TENM3: variants seen among roughly 807,000 people sequenced by gnomAD.
TENM3 encodes the protein teneurin-3.
Under a neutral mutation model 255.1 loss-of-function variants are expected in TENM3, and 63 were observed. The ratio of observed to expected loss-of-function variants is 0.25; its 90% CI spans 0.20 to 0.30. The LOEUF (loss-of-function observed/expected upper bound fraction) is 0.30. Among genes scored for constraint, TENM3 ranks in the 10% least tolerant of loss-of-function variants. The pLI is 1.00. For missense variants in TENM3, 2,929 were observed against 3,461.1 expected (o/e 0.85, Z 3.86); for synonymous variants, 1,306 against 1,322.3 (o/e 0.99, Z 0.27).
At chr4:182,498,252 G>T (rs543031874) in intron 3 of TENM3, among the ~76,000 whole-genome samples, 8 of 152,204 alleles carry the variant, frequency 5.3e-5, no homozygotes, top group African/African-American at 1.9e-4. Context: ...TTAACACCTA[G>T]TGAAACACCC....
At chr4:182,631,633 T>TA (rs1359168815) in intron 5 of TENM3, 1 of 152,222 alleles carries the variant, frequency 6.6e-6, no homozygotes, top group Non-Finnish European at 1.5e-5. Flanking sequence ...ATCAGTCTGA[T>TA]AAACCCCAGT....
the TENM3 span, among the ~76,000 whole-genome samples, chr4:181,815,349 C>A: frequency 6.7e-6 from 1 of 149,780 alleles, no homozygotes; most frequent in East Asian, 2.0e-4. Flanking sequence ...GTAATCCCAG[C>A]TACTTGGGAG....
the TENM3 span, among the ~76,000 whole-genome samples, chr4:181,875,421 AT>A: frequency 3.4e-4 from 50 of 147,874 alleles, no homozygotes; most frequent in East Asian, 2.0e-3. Flanking sequence ...TTAGGAACCT[AT>A]TTTTTTTTTT....
chr4:181,817,231 G>A, the TENM3 span, among the ~76,000 whole-genome samples: 2 of 152,230 alleles, frequency 1.3e-5, no homozygotes, highest in Non-Finnish European at 2.9e-5. Context: ...CTACTCCAGG[G>A]CTTCTCAACC....
chr4:181,762,811 C>G, the TENM3 span, among the ~76,000 whole-genome samples: 1 of 151,964 alleles, frequency 6.6e-6, no homozygotes, highest in African/African-American at 2.4e-5. Flanking sequence ...GACATGGTGC[C>G]AGATTCTTGA....
intron 1 of TENM3, among the ~76,000 whole-genome samples, chr4:182,250,304 A>G (rs182664355): frequency 0.046 from 6,927 of 152,018 alleles, 199 homozygotes; most frequent in African/African-American, 0.08. Flanking sequence ...CACCCGCCTT[A>G]GCCTCCCAAA....
the TENM3 span, among the ~76,000 whole-genome samples, chr4:181,609,831 G>A: frequency 5.7e-4 from 87 of 152,272 alleles, no homozygotes; most frequent in African/African-American, 2.0e-3. Context: ...ATGAGGCGCT[G>A]CAATATTTGA....
rs371047841 is a variant in TENM3, at chr4:182,253,451, C to T, written c.-76+9975C>T. 3.2e-3 allele frequency among the ~76,000 whole-genome samples: 480 copies of T among 152,144 alleles called. 2 individuals are homozygous for T. The highest frequency in any genetic ancestry group is 9.5e-3 in the African/African-American group (396 of 41,486). Reference sequence around the variant, plus strand: ...TCGCACCACTGCACTCCAGCCTGGGCGACAAGAGCAAAACTCTGTCCCCCC... The same window carrying T: ...TCGCACCACTGCACTCCAGCCTGGGTGACAAGAGCAAAACTCTGTCCCCCC... On this transcript the variant is annotated intron_variant, in intron 1 of 27. Transcript: ENST00000511685.
At chr4:182,120,083 G>A in the TENM3 span, among the ~76,000 whole-genome samples, 2 of 3,002 alleles carry the variant, frequency 6.7e-4, no homozygotes, top group Non-Finnish European at 2.2e-3. Flanking sequence ...ATACACACAT[G>A]CGTGCGTGCG....
intron 3 of TENM3, among the ~76,000 whole-genome samples, chr4:182,502,474 G>C (rs1736409597): frequency 6.6e-6 from 1 of 152,062 alleles, no homozygotes; most frequent in Non-Finnish European, 1.5e-5. Flanking sequence ...TGATTCTCCA[G>C]TTTACAGTTT....
chr4:182,643,149 A>G (rs1284710277), intron 5 of TENM3, among the ~76,000 whole-genome samples: 1 of 152,230 alleles, frequency 6.6e-6, no homozygotes, highest in Admixed American at 6.5e-5. Context: ...ACATGTAGCC[A>G]ATCAAATGAT....
chr4:181,920,760 G>A, the TENM3 span, among the ~76,000 whole-genome samples: 74 of 151,852 alleles, frequency 4.9e-4, no homozygotes, highest in African/African-American at 1.7e-3. Flanking sequence ...TGTCAATTTT[G>A]TCTTTTGTTG....
At chr4:181,589,660 T>G in the TENM3 span, among the ~76,000 whole-genome samples, 13 of 152,328 alleles carry the variant, frequency 8.5e-5, no homozygotes, top group Admixed American at 8.5e-4. Flanking sequence ...ATGTATGTAA[T>G]GCAGGTTTCA....
intron 3 of TENM3, among the ~76,000 whole-genome samples, chr4:182,508,330 A>T (rs1023991327): frequency 1.3e-5 from 2 of 152,168 alleles, no homozygotes; most frequent in Non-Finnish European, 2.9e-5. Context: ...AACTATTCCT[A>T]TAAGAGTATG....
the TENM3 span, among the ~76,000 whole-genome samples, chr4:182,120,157 A>AAG: frequency 0.046 from 6,920 of 151,988 alleles, 167 homozygotes; most frequent in South Asian, 0.066. Context: ...TAGTCCCTTG[A>AAG]AGAGAGGTTC....
intron 12 of TENM3, among the ~76,000 whole-genome samples, chr4:182,692,789 T>A (rs907866315): frequency 6.6e-6 from 1 of 152,222 alleles, no homozygotes; most frequent in Non-Finnish European, 1.5e-5. Flanking sequence ...TACTTAGGTG[T>A]GAAACACTGG....
chr4:182,465,918 TTAATA>T (rs1302875625), intron 3 of TENM3, among the ~76,000 whole-genome samples: 3 of 152,196 alleles, frequency 2.0e-5, no homozygotes, highest in Non-Finnish European at 4.4e-5. Context: ...TTCTATTTTT[TTAATA>T]TAAGAGGCCA....
chr4:182,034,042 C>T, the TENM3 span, among the ~76,000 whole-genome samples: 30 of 152,238 alleles, frequency 2.0e-4, no homozygotes, highest in African/African-American at 6.5e-4. Context: ...TTCCACGTGG[C>T]TGGGGAGGAC....
chr4:182,401,531 C>T (rs542930958), intron 3 of TENM3, among the ~76,000 whole-genome samples: 2 of 152,140 alleles, frequency 1.3e-5, no homozygotes, highest in Admixed American at 1.3e-4. Context: ...TGGTATTTTA[C>T]AATAATTACA....
Sources: gnomAD v4.1 joint callset for allele counts (sites outside exome capture counted in the v4.1 genomes callset) on GRCh38, gnomAD v4.1.1 for gene constraint, MANE v1.5 for transcripts, NCBI Gene and HGNC (gene_info 2026-07-23, HGNC 2026-07-21) for gene names.